NUP160: variants seen among roughly 807,000 people sequenced by gnomAD.
NUP160 encodes the protein nucleoporin 160.
Under a neutral mutation model 196.9 loss-of-function variants are expected in NUP160, and 94 were observed. The observed-to-expected ratio is 0.48, with a 90% CI of 0.40 to 0.57. The LOEUF (loss-of-function observed/expected upper bound fraction) is 0.57, where lower values mean the gene tolerates loss of function less well. NUP160 is among the 20% of genes least tolerant of loss of function. The pLI is 0.00. For missense variants in NUP160, 1,638 were observed against 1,748.3 expected, an observed-to-expected ratio of 0.94 and a Z score of 1.13; for synonymous variants, 605 against 619.7, an observed-to-expected ratio of 0.98 and a Z score of 0.35.
At chr11:47,843,341 G>A (rs184274203) in intron 2 of NUP160, among the ~76,000 whole-genome samples, 1 of 152,134 alleles carries the variant, frequency 6.6e-6, no homozygotes, top group Admixed American at 6.6e-5. Flanking sequence ...GCCAATTTTC[G>A]TTTCTCATCT....
intron 23 of NUP160, among the ~76,000 whole-genome samples, chr11:47,799,116 G>GTTTTTTTTTT (rs1451698778): frequency 6.6e-6 from 1 of 151,476 alleles, no homozygotes. Flanking sequence ...TTGAGACAGG[G>GTTTTTTTTTT]TCTCTGTCAA....
intron 4 of NUP160, among the ~76,000 whole-genome samples, chr11:47,838,627 G>A (rs946725616): frequency 6.9e-6 from 1 of 144,188 alleles, no homozygotes; most frequent in East Asian, 2.2e-4. Flanking sequence ...AGAATCACTT[G>A]AACCTGGGGG....
At position 47,848,092 on chromosome 11, in the gene NUP160, ATC is replaced by A. The variant is rs1852436297; in HGVS notation, c.202+125_202+126del. The A allele has an allele frequency of 2.3e-6, 3 of 1,292,880 alleles. No individual in the cohort carries two copies. The East Asian group carries it at 6.9e-5, about 30-fold the overall frequency. 80.1% of individuals were successfully genotyped at this position (1,292,880 alleles called of 1,614,324 possible). ...AGAGGAAAACGTCGGACATCAAGGA[ATC>A]TCTGATCCCGGGGCTAGAGGCATGT... On this transcript the variant is annotated intron_variant, in intron 1 of 35. Transcript: ENST00000378460.
At chr11:47,833,779 T>C (rs1028871790) in intron 7 of NUP160, among the ~76,000 whole-genome samples, 1 of 151,176 alleles carries the variant, frequency 6.6e-6, no homozygotes, top group Non-Finnish European at 1.5e-5. Context: ...CTGGCCAATA[T>C]GGTGGGCACT....
Position 47,788,622 on chromosome 11 carries a change from A to C in NUP160, c.3512-11T>G, listed in dbSNP as rs1565187809. On this transcript the variant is annotated splice_polypyrimidine_tract_variant and intron_variant, in intron 29 of 35. Coordinates refer to ENST00000378460, the Ensembl canonical transcript of NUP160. ...CAATTTGTCGATTTGCTATACATCA[A>C]AGAAAAATATTTTGAACTCCCAAAA... The C allele has an allele frequency of 1.3e-6, 2 of 1,580,940 alleles. No homozygotes were observed. Among genetic ancestry groups the C allele is most frequent in the African/African-American group, 2.7e-5 (2 of 74,266 alleles).
chr11:47,828,226 A>G (rs1852009024), intron 7 of NUP160, among the ~76,000 whole-genome samples: 1 of 152,210 alleles, frequency 6.6e-6, no homozygotes, highest in East Asian at 1.9e-4. Flanking sequence ...TCCATTACAA[A>G]ATCTATCAGA....
At chr11:47,802,016 C>A (rs1197639073) in intron 22 of NUP160, 86 bp from the exon 23 acceptor site, 20 of 1,308,190 alleles carry the variant, frequency 1.5e-5, no homozygotes, top group Non-Finnish European at 2.0e-5. Context: ...TAAGGGAAAG[C>A]CAAAAAAGAA....
intron 2 of NUP160, among the ~76,000 whole-genome samples, chr11:47,844,725 G>A (rs1852366970): frequency 6.6e-6 from 1 of 152,176 alleles, no homozygotes; most frequent in Non-Finnish European, 1.5e-5. Flanking sequence ...TCAGAGGCAT[G>A]TGAACCAGAA....
intron 7 of NUP160, among the ~76,000 whole-genome samples, chr11:47,827,363 CA>C (rs59609032): frequency 0.018 from 1,551 of 87,154 alleles, 10 homozygotes; most frequent in African/African-American, 0.039. Context: ...GACACTGTCT[CA>C]AAAAAAAAAA....
Position 47,848,297 on chromosome 11 carries a change from C to A in NUP160, c.124G>T (p.Glu42Ter). ...CCGCTTAGCTCCACGAAGCTCCGTT[C>A]CAGGGCTCCCGCCGCCGCCATCTTC... Residue 42 changes from glutamate (E) to a stop codon, truncating the protein, a stop_gained, in exon 1 of 36, where the codon GAA (glutamate) becomes TAA (stop). Coordinates refer to ENST00000378460, the Ensembl canonical transcript of NUP160. LOFTEE classifies it high-confidence loss of function. The A allele has an allele frequency of 6.2e-7, 1 of 1,614,010 alleles. No individual in the cohort carries two copies. Among genetic ancestry groups the A allele is most frequent in the Non-Finnish European group, 8.5e-7 (1 of 1,180,006 alleles).
At chr11:47,846,143 A>G (rs1207938121) in intron 2 of NUP160, among the ~76,000 whole-genome samples, 1 of 147,472 alleles carries the variant, frequency 6.8e-6, no homozygotes, top group African/African-American at 2.5e-5. Flanking sequence ...CTCAAAAAGA[A>G]AAAAAAAAAA....
chr11:47,842,783 A>C (rs1852330701), intron 2 of NUP160, among the ~76,000 whole-genome samples: 1 of 152,170 alleles, frequency 6.6e-6, no homozygotes, highest in African/African-American at 2.4e-5. Context: ...TCAGCCCAGG[A>C]GTACGAGATC....
chr11:47,839,682 G>A (rs1213402306), intron 4 of NUP160, 161 bp downstream of exon 4: 2 of 656,338 alleles, frequency 3.0e-6, no homozygotes, highest in East Asian at 2.6e-5. Context: ...CTTATCCACT[G>A]TATAAAAGTA....
intron 3 of NUP160, 96 bp downstream of exon 3, chr11:47,840,282 A>T: frequency 8.9e-7 from 1 of 1,129,928 alleles, no homozygotes; most frequent in Non-Finnish European, 1.3e-6. Context: ...CGAGAATCCA[A>T]ATTTCCTTCA....
intron 2 of NUP160, chr11:47,841,679 T>C (rs1169571859): frequency 6.7e-6 from 2 of 297,832 alleles, no homozygotes; most frequent in East Asian, 8.6e-5. Context: ...TACCATCTGA[T>C]AATTTTTGTT....
chr11:47,839,630 TTGTC>T, intron 4 of NUP160: 2 of 570,446 alleles, frequency 3.5e-6, no homozygotes, highest in South Asian at 4.3e-5. Context: ...TGTCTTATAC[TTGTC>T]TATTTGTTTT....
At chr11:47,812,825 G>A (rs1434707224) in intron 15 of NUP160, 57 bp downstream of exon 15, 3 of 1,455,164 alleles carry the variant, frequency 2.1e-6, no homozygotes, top group Non-Finnish European at 1.9e-6. Flanking sequence ...TTCCAACTTT[G>A]GCGCTAAAAA....
intron 22 of NUP160, 50 bp downstream of exon 22, chr11:47,803,388 T>A (rs2097675522): frequency 8.9e-7 from 1 of 1,126,630 alleles, no homozygotes; most frequent in Admixed American, 1.7e-5. Context: ...CTAAGCAACT[T>A]CCTTGCGTTA....
chr11:47,788,678 C>G (rs1300605544), intron 29 of NUP160, 67 bp from the exon 30 acceptor site: 4 of 962,944 alleles, frequency 4.2e-6, no homozygotes, highest in African/African-American at 1.6e-5. Flanking sequence ...ATTAACGCAA[C>G]CTGTCAATTT....
Sources: gnomAD v4.1 joint callset for allele counts (sites outside exome capture counted in the v4.1 genomes callset) on GRCh38, gnomAD v4.1.1 for gene constraint, MANE v1.5 for transcripts, NCBI Gene and HGNC (gene_info 2026-07-23, HGNC 2026-07-21) for gene names.